RBFOX1: variants seen among roughly 807,000 people sequenced by gnomAD.
RBFOX1 encodes RNA binding fox-1 homolog 1, also known as RNA binding protein fox-1 homolog 1.
A neutral mutation model predicts 57.7 loss-of-function variants in RBFOX1; 8 were observed. That is an observed-to-expected ratio of 0.14 (90% CI 0.08 to 0.25). RBFOX1 has a LOEUF of 0.25. Among genes scored for constraint, RBFOX1 ranks in the 10% least tolerant of loss-of-function variants. RBFOX1 has a pLI of 1.00. For synonymous variants in RBFOX1, 326 were observed against 222.4 expected (o/e 1.47, Z -4.15); for missense variants, 611 against 548.5 (o/e 1.11, Z -1.14).
At chr16:6,199,444 G>A (rs1033657466) in intron 1 of RBFOX1, among the ~76,000 whole-genome samples, 3 of 152,138 alleles carry the variant, frequency 2.0e-5, no homozygotes, top group Non-Finnish European at 4.4e-5. Flanking sequence ...AGTTTAAATT[G>A]TGTCTTTCCA....
At chr16:6,397,319 TG>T (rs990508999) in intron 2 of RBFOX1, among the ~76,000 whole-genome samples, 11 of 152,140 alleles carry the variant, frequency 7.2e-5, no homozygotes, top group African/African-American at 2.2e-4. Context: ...ATTTCCTACA[TG>T]GGGCATAGTG....
At chr16:7,543,701 GTGTGTGTGTGTGTGTGTGTTTA>G (rs2083597068) in intron 5 of RBFOX1, among the ~76,000 whole-genome samples, 1 of 131,432 alleles carries the variant, frequency 7.6e-6, no homozygotes, top group African/African-American at 3.2e-5. Context: ...GTGTGTGTGT[GTGTGTGTGTGTGTGTGTGTTTA>G]TTTTTTATAT....
chr16:6,017,961 C>A (rs2095007003), upstream of RBFOX1, among the ~76,000 whole-genome samples: 1 of 152,160 alleles, frequency 6.6e-6, no homozygotes, highest in South Asian at 2.1e-4. Context: ...ATCAAGTGCT[C>A]AAGGCTGGAA....
chr16:6,684,806 T>C (rs1244781907), intron 3 of RBFOX1, among the ~76,000 whole-genome samples: 1 of 152,222 alleles, frequency 6.6e-6, no homozygotes, highest in Admixed American at 6.5e-5. Context: ...AAAAATTCCT[T>C]AAAGCATTTC....
rs568212697 is a variant in RBFOX1 at position 5,862,374 on chromosome 16, A to G, written c.319-4929A>G. Among the ~76,000 whole-genome samples the G allele has an allele frequency of 3.9e-5, 6 of 152,210 alleles. No individual in the cohort carries two copies. The East Asian group carries it at 1.2e-3, about 29-fold the overall frequency. On this transcript the variant is annotated intron_variant, in intron 3 of 19. Coordinates refer to the RBFOX1 transcript ENST00000641259. ...AATCTGGAGGCCTACCAGGGATGGC[A>G]CTTGAGGGAGGGGTGTGATTATTCA...
chr16:6,731,386 G>T (rs903333503), intron 3 of RBFOX1, among the ~76,000 whole-genome samples: 8 of 152,106 alleles, frequency 5.3e-5, no homozygotes, highest in African/African-American at 1.9e-4. Flanking sequence ...AGAAACAGGG[G>T]ATCAGTGACC....
At chr16:7,650,587 T>C (rs2064837631) in intron 11 of RBFOX1, among the ~76,000 whole-genome samples, 1 of 152,134 alleles carries the variant, frequency 6.6e-6, no homozygotes, top group Non-Finnish European at 1.5e-5. Flanking sequence ...CTTGCCAAGC[T>C]TCTGTTTCAT....
intron 3 of RBFOX1, among the ~76,000 whole-genome samples, chr16:6,841,206 T>G (rs534447187): frequency 1.3e-5 from 2 of 152,328 alleles, no homozygotes; most frequent in South Asian, 4.1e-4. Context: ...TGAAAAGATT[T>G]AGTTATAAAC....
At chr16:6,948,978 T>C (rs1482705485) in intron 3 of RBFOX1, among the ~76,000 whole-genome samples, 1 of 152,128 alleles carries the variant, frequency 6.6e-6, no homozygotes, top group African/African-American at 2.4e-5. Context: ...ATGGGATAGT[T>C]TGAGACAGTT....
chr16:7,065,628 C>T (rs1051610392), intron 4 of RBFOX1, among the ~76,000 whole-genome samples: 1 of 152,072 alleles, frequency 6.6e-6, no homozygotes, highest in Non-Finnish European at 1.5e-5. Flanking sequence ...CATTGCATGA[C>T]CTCACATACT....
At chr16:7,578,964 T>C (rs548887226) in intron 5 of RBFOX1, among the ~76,000 whole-genome samples, 2 of 152,352 alleles carry the variant, frequency 1.3e-5, no homozygotes, top group South Asian at 4.1e-4. Flanking sequence ...CAATCAGTTA[T>C]GCTGATGATG....
intron 3 of RBFOX1, among the ~76,000 whole-genome samples, chr16:7,002,987 C>G (rs949179679): frequency 6.6e-6 from 1 of 151,754 alleles, no homozygotes; most frequent in Non-Finnish European, 1.5e-5. Flanking sequence ...CAGTTATTTT[C>G]TCCAAACTAT....
intron 1 of RBFOX1, among the ~76,000 whole-genome samples, chr16:6,032,999 T>C (rs1410892569): frequency 1.3e-5 from 2 of 152,144 alleles, no homozygotes; most frequent in Non-Finnish European, 2.9e-5. Flanking sequence ...GCTCCTTATT[T>C]CAAAGCTGGA....
chr16:5,835,787 ATCT>A (rs1192934114), intron 3 of RBFOX1, among the ~76,000 whole-genome samples: 1 of 152,140 alleles, frequency 6.6e-6, no homozygotes, highest in Non-Finnish European at 1.5e-5. Flanking sequence ...TTACTTATTC[ATCT>A]TCTTCTTTAG....
At chr16:5,252,877 T>G (rs1407751121) in intron 1 of RBFOX1, among the ~76,000 whole-genome samples, 2 of 152,194 alleles carry the variant, frequency 1.3e-5, no homozygotes, top group East Asian at 3.9e-4. Flanking sequence ...CACCTCTGAG[T>G]GCTGCTTTAG....
intron 3 of RBFOX1, among the ~76,000 whole-genome samples, chr16:6,879,422 T>G (rs2153321241): frequency 6.6e-6 from 1 of 152,326 alleles, no homozygotes; most frequent in Non-Finnish European, 1.5e-5. Context: ...TTATTAGAAT[T>G]TTCCCTTTAC....
intron 3 of RBFOX1, among the ~76,000 whole-genome samples, chr16:6,856,632 C>A (rs566063113): frequency 2.6e-5 from 4 of 152,170 alleles, no homozygotes; most frequent in African/African-American, 7.2e-5. Flanking sequence ...CAGTGATAAA[C>A]CACCTCTTGT....
intron 3 of RBFOX1, among the ~76,000 whole-genome samples, chr16:6,755,381 T>TA (rs1397491735): frequency 6.6e-6 from 1 of 152,198 alleles, no homozygotes; most frequent in Non-Finnish European, 1.5e-5. Context: ...CCTGACTTTT[T>TA]AATGATTGCC....
intron 4 of RBFOX1, among the ~76,000 whole-genome samples, chr16:7,067,526 TTTTG>T (rs1385970591): frequency 6.6e-6 from 1 of 151,940 alleles, no homozygotes; most frequent in East Asian, 1.9e-4. Context: ...TGTTTTCTTT[TTTTG>T]TTTTCTTTTT....
Sources: allele counts gnomAD v4.1 joint callset (sites outside exome capture counted in the v4.1 genomes callset), GRCh38; gene constraint gnomAD v4.1.1; transcripts MANE v1.5; gene names NCBI Gene and HGNC (gene_info 2026-07-23, HGNC 2026-07-21).